FCHO2: variants seen among roughly 807,000 people sequenced by gnomAD.
FCHO2 encodes F-BAR domain only protein 2.
Under a neutral mutation model 114.1 loss-of-function variants are expected in FCHO2, and 43 were observed. That is an observed-to-expected ratio of 0.38 (90% confidence interval 0.30 to 0.49). FCHO2 has a LOEUF of 0.49. Among genes scored for constraint, FCHO2 ranks in the 20% least tolerant of loss-of-function variants. The pLI is 0.97. For synonymous variants in FCHO2, 293 were observed against 315.2 expected (o/e 0.93, Z 0.75); for missense variants, 807 against 950.4 (o/e 0.85, Z 1.98).
At chr5:72,976,996 G>A (rs1752926914) in intron 2 of FCHO2, among the ~76,000 whole-genome samples, 1 of 152,162 alleles carries the variant, frequency 6.6e-6, no homozygotes, top group South Asian at 2.1e-4. Flanking sequence ...TGGTGTATAT[G>A]TGCCACATTT....
intron 1 of FCHO2, among the ~76,000 whole-genome samples, chr5:72,965,409 A>T (rs993645949): frequency 6.6e-6 from 1 of 152,252 alleles, no homozygotes; most frequent in Admixed American, 6.5e-5. Flanking sequence ...GCTAATGCTA[A>T]CAGGGAAGAA....
At chr5:73,074,605 C>A in intron 19 of FCHO2, 137 bp from the exon 20 acceptor site, 1 of 715,406 alleles carries the variant, frequency 1.4e-6, no homozygotes, top group Non-Finnish European at 2.3e-6. Flanking sequence ...ATTTCTTAGC[C>A]CCCAGATTTA....
chr5:73,026,041 A>G (rs1048201683), intron 8 of FCHO2, among the ~76,000 whole-genome samples: 9 of 152,218 alleles, frequency 5.9e-5, no homozygotes, highest in African/African-American at 2.2e-4. Context: ...CACGCCTGTA[A>G]TCCCAGCACT....
intron 5 of FCHO2, among the ~76,000 whole-genome samples, chr5:73,004,894 G>T (rs913398185): frequency 1.1e-4 from 17 of 152,146 alleles, no homozygotes; most frequent in Non-Finnish European, 4.4e-5. Flanking sequence ...CTTTATCATA[G>T]TTATGTATGT....
intron 22 of FCHO2, among the ~76,000 whole-genome samples, chr5:73,080,144 T>A (rs1322846039): frequency 1.3e-5 from 2 of 152,182 alleles, no homozygotes; most frequent in Admixed American, 1.3e-4. Flanking sequence ...CCTTGTAAAT[T>A]TGTAAGCAAC....
chr5:73,034,806 C>CATTCCA, intron 9 of FCHO2, 105 bp downstream of exon 9: 1 of 843,712 alleles, frequency 1.2e-6, no homozygotes, highest in Non-Finnish European at 1.7e-6. Context: ...GTCAGCATAC[C>CATTCCA]TATGGAATGG....
At chr5:73,035,915 C>T (rs1244122726) in intron 9 of FCHO2, among the ~76,000 whole-genome samples, 1 of 152,168 alleles carries the variant, frequency 6.6e-6, no homozygotes, top group African/African-American at 2.4e-5. Context: ...GTGATCTTGG[C>T]TCACTGCATC....
intron 24 of FCHO2, 136 bp from the exon 25 acceptor site, chr5:73,087,453 G>A (rs878910738): frequency 1.0e-6 from 1 of 953,508 alleles, no homozygotes; most frequent in Non-Finnish European, 1.5e-6. Flanking sequence ...TTGGAAACAG[G>A]ATAATAGTTT....
At chr5:72,973,155 A>G (rs1228705893) in intron 2 of FCHO2, among the ~76,000 whole-genome samples, 9 of 152,124 alleles carry the variant, frequency 5.9e-5, no homozygotes, top group African/African-American at 2.2e-4. Context: ...CTATTGGTCT[A>G]AAATTCTCTT....
intron 24 of FCHO2, 37 bp downstream of exon 24, chr5:73,082,862 G>T: frequency 1.4e-6 from 2 of 1,474,086 alleles, no homozygotes; most frequent in Non-Finnish European, 9.2e-7. Flanking sequence ...ATAAAATGAT[G>T]TCACTGAAAA....
chr5:73,045,199 A>G (rs1173654497), intron 11 of FCHO2, among the ~76,000 whole-genome samples: 13 of 152,216 alleles, frequency 8.5e-5, no homozygotes, highest in Admixed American at 8.5e-4. Context: ...CAATCAAAAT[A>G]GGACATTTTC....
rs1743417546 is a variant in FCHO2 at position 73,089,507 on chromosome 5, A to G, written c.*1417A>G. The G allele has an allele frequency of 1.3e-5, 2 of 152,532 alleles. No homozygotes were observed. The highest frequency in any genetic ancestry group is 1.3e-4 in the Admixed American group (2 of 15,302). The allele number at this position is 152,532 out of a possible 1,614,324, so 9.4% of individuals were successfully genotyped here. On this transcript the variant is annotated 3_prime_UTR_variant, in exon 26 of 26. Coordinates refer to ENST00000430046, the MANE Select transcript of FCHO2 (RefSeq NM_138782.3). Reference sequence around the variant, plus strand: ...TTTGGTTAAACATTTCTAAAAATAAACTACCAATACTAAATAGTAAGAAAC... The same window carrying G: ...TTTGGTTAAACATTTCTAAAAATAAGCTACCAATACTAAATAGTAAGAAAC...
intron 9 of FCHO2, 37 bp from the exon 10 acceptor site, chr5:73,037,106 G>GT: frequency 7.3e-7 from 1 of 1,375,614 alleles, no homozygotes; most frequent in Non-Finnish European, 9.9e-7. Flanking sequence ...TATCAGGAAT[G>GT]TTTATGTTTC....
intron 11 of FCHO2, among the ~76,000 whole-genome samples, chr5:73,043,944 T>A (rs1484163396): frequency 2.0e-5 from 3 of 152,180 alleles, no homozygotes; most frequent in African/African-American, 7.2e-5. Flanking sequence ...TGTCAAATTG[T>A]AATCCCCAGT....
At chr5:73,082,911 G>A (rs1483621212) in intron 24 of FCHO2, 86 bp downstream of exon 24, 1 of 1,188,338 alleles carries the variant, frequency 8.4e-7, no homozygotes, top group African/African-American at 1.6e-5. Flanking sequence ...GTCTAGCTTT[G>A]TTGCCAGGCT....
chr5:73,041,390 T>G, intron 11 of FCHO2, 75 bp downstream of exon 11: 1 of 897,048 alleles, frequency 1.1e-6, no homozygotes, highest in Non-Finnish European at 1.7e-6. Context: ...ACATTTGAGT[T>G]GAGTTGTTAC....
chr5:73,064,667 A>G (rs1254937923), intron 18 of FCHO2, among the ~76,000 whole-genome samples: 2 of 152,038 alleles, frequency 1.3e-5, no homozygotes, highest in Non-Finnish European at 2.9e-5. Flanking sequence ...AGCTGCCTCA[A>G]CAACCTACAT....
chr5:72,997,724 C>T, intron 5 of FCHO2: 1 of 1,480,368 alleles, frequency 6.8e-7, no homozygotes, highest in Non-Finnish European at 9.1e-7. Flanking sequence ...ATGCCCTGTC[C>T]AATGTGAGGA....
chr5:73,033,398 G>A (rs1328965279), intron 8 of FCHO2, among the ~76,000 whole-genome samples: 1 of 152,066 alleles, frequency 6.6e-6, no homozygotes, highest in African/African-American at 2.4e-5. Flanking sequence ...TAGGGGGAGG[G>A]AGAGGGACAT....
Sources: allele counts gnomAD v4.1 joint callset (sites outside exome capture counted in the v4.1 genomes callset), GRCh38; gene constraint gnomAD v4.1.1; transcripts MANE v1.5; gene names NCBI Gene and HGNC (gene_info 2026-07-23, HGNC 2026-07-21).